The following PTPRQ variants were observed in gnomAD, a reference collection of about 807,000 sequenced individuals.
PTPRQ encodes protein tyrosine phosphatase receptor type Q, also known as phosphatidylinositol phosphatase PTPRQ.
In PTPRQ, 199 loss-of-function variants were observed where a neutral mutation model predicts 246.0. The observed-to-expected ratio is 0.81, with a 90% CI of 0.72 to 0.91. The LOEUF is 0.91. Ranked by LOEUF, PTPRQ falls within the 40% of genes least tolerant of loss-of-function variation. The pLI, the probability that PTPRQ is intolerant of heterozygous loss-of-function variation, is 0.00. For missense variants in PTPRQ, 2,624 were observed against 2,528.4 expected, an observed-to-expected ratio of 1.04 and a Z score of -0.81; for synonymous variants, 869 against 853.2, an observed-to-expected ratio of 1.02 and a Z score of -0.32.
intron 24 of PTPRQ, 102 bp downstream of exon 24, chr12:80,546,799 A>C: frequency 5.1e-6 from 7 of 1,373,702 alleles, no homozygotes; most frequent in Non-Finnish European, 6.8e-6. Context: ...TTAAGAGTCT[A>C]CTCAAAGGGA....
chr12:80,655,575 C>G (rs1486730922), intron 38 of PTPRQ, among the ~76,000 whole-genome samples: 1 of 151,542 alleles, frequency 6.6e-6, no homozygotes, highest in East Asian at 1.9e-4. Flanking sequence ...CTCTCTGTCT[C>G]TCTCTCTCTC....
At chr12:80,484,218 G>A (rs1894191739) in intron 8 of PTPRQ, among the ~76,000 whole-genome samples, 1 of 151,926 alleles carries the variant, frequency 6.6e-6, no homozygotes, top group Non-Finnish European at 1.5e-5. Flanking sequence ...TGTTGGTCAG[G>A]CTGGTCTCGA....
At chr12:80,565,337 C>T (rs551363611) in intron 25 of PTPRQ, among the ~76,000 whole-genome samples, 1 of 152,278 alleles carries the variant, frequency 6.6e-6, no homozygotes, top group South Asian at 2.1e-4. Flanking sequence ...TTTGCTTTAT[C>T]CAAGCTCCAG....
intron 25 of PTPRQ, among the ~76,000 whole-genome samples, chr12:80,558,774 C>T (rs533311363): frequency 2.0e-5 from 3 of 152,146 alleles, no homozygotes; most frequent in Non-Finnish European, 4.4e-5. Flanking sequence ...CAGGTTCACA[C>T]ATAGGTGTAT....
chr12:80,649,795 C>G, intron 37 of PTPRQ, 126 bp downstream of exon 37: 4 of 1,330,308 alleles, frequency 3.0e-6, no homozygotes, highest in Non-Finnish European at 4.0e-6. Flanking sequence ...ACCCAATTAC[C>G]AGGTTGATTG....
chr12:80,483,525 A>T (rs561405165), intron 8 of PTPRQ, among the ~76,000 whole-genome samples: 2 of 152,180 alleles, frequency 1.3e-5, no homozygotes, highest in Non-Finnish European at 2.9e-5. Context: ...TTAAAGTATA[A>T]TAATAAAAGA....
At chr12:80,557,113 C>T (rs1411781202) in intron 25 of PTPRQ, among the ~76,000 whole-genome samples, 1 of 152,068 alleles carries the variant, frequency 6.6e-6, no homozygotes, top group Non-Finnish European at 1.5e-5. Context: ...AGGATTTGTT[C>T]ATTACATATT....
At chr12:80,580,195 C>T (rs935633681) in intron 25 of PTPRQ, among the ~76,000 whole-genome samples, 4 of 152,140 alleles carry the variant, frequency 2.6e-5, no homozygotes, top group African/African-American at 7.2e-5. Context: ...AAACCTATAA[C>T]AAATTCTTGC....
At chr12:80,564,323 T>C (rs943618765) in intron 25 of PTPRQ, among the ~76,000 whole-genome samples, 3 of 152,112 alleles carry the variant, frequency 2.0e-5, no homozygotes, top group Admixed American at 6.5e-5. Flanking sequence ...ACCACTATGT[T>C]ATTACTTGAG....
intron 35 of PTPRQ, among the ~76,000 whole-genome samples, chr12:80,640,873 G>A (rs77120020): frequency 0.028 from 4,210 of 152,196 alleles, 183 homozygotes; most frequent in African/African-American, 0.096. Context: ...AATTTGCTGT[G>A]TTCTCATGTT....
At chr12:80,674,783 A>T (rs753120764) in intron 43 of PTPRQ, among the ~76,000 whole-genome samples, 21 of 152,172 alleles carry the variant, frequency 1.4e-4, no homozygotes, top group Non-Finnish European at 2.4e-4. Context: ...TTCTCTTTTG[A>T]TAGTGGTTTT....
chr12:80,585,239 T>A (rs1897572698), intron 25 of PTPRQ, among the ~76,000 whole-genome samples: 1 of 152,082 alleles, frequency 6.6e-6, no homozygotes, highest in South Asian at 2.1e-4. Flanking sequence ...AATAGTGACT[T>A]CATCTTTTTA....
At chr12:80,614,148 T>TA (rs545416265) in intron 29 of PTPRQ, among the ~76,000 whole-genome samples, 1 of 150,278 alleles carries the variant, frequency 6.7e-6, no homozygotes, top group African/African-American at 2.4e-5. Flanking sequence ...TAACTCTGCC[T>TA]AAAAAAAAGC....
chr12:80,468,285 T>C (rs185325409), intron 6 of PTPRQ, among the ~76,000 whole-genome samples: 3 of 152,270 alleles, frequency 2.0e-5, no homozygotes, highest in African/African-American at 7.2e-5. Context: ...TGAGGGTCAT[T>C]TTCTTGAAAC....
intron 6 of PTPRQ, among the ~76,000 whole-genome samples, chr12:80,468,033 T>C (rs1893496398): frequency 1.3e-5 from 2 of 150,428 alleles, no homozygotes; most frequent in African/African-American, 5.0e-5. Context: ...AAAACAATGA[T>C]TTCATAAGGG....
At chr12:80,608,873 T>C (rs17006966) in intron 27 of PTPRQ, among the ~76,000 whole-genome samples, 1,919 of 150,664 alleles carry the variant, frequency 0.013, 40 homozygotes, top group African/African-American at 0.044. Flanking sequence ...TCAATAATAT[T>C]TTTTCAGCAT....
In PTPRQ at chr12:80,535,037, G is replaced by T. The variant is rs1274532719; in HGVS notation, c.2985G>T (p.Gln995His). ...YYRNTSGTFM[Q>H]NFTLHEVTND... ...GAAATACTTCAGGTACTTTTATGCA[G>T]GTAAGAACTGAATTTTCTTCTAGTT... The change falls in exon 19 of 45, where the codon CAG becomes CAT. Residue 995 changes from glutamine to histidine, a missense_variant and splice_region_variant. By Grantham distance (24) the Gln-to-His change is conservative. Coordinates refer to ENST00000644991, the MANE Select transcript of PTPRQ (RefSeq NM_001145026.2). 1 of 1,507,480 alleles carries T rather than the reference G, an allele frequency of 6.6e-7. No individual in the cohort carries two copies. The highest frequency in any genetic ancestry group is 1.4e-5 in the South Asian group (1 of 73,804). The allele number at this position is 1,507,480 out of a possible 1,614,324, so 93.4% of individuals were successfully genotyped here.
chr12:80,627,937 G>C (rs1899267455), intron 33 of PTPRQ, among the ~76,000 whole-genome samples: 1 of 151,932 alleles, frequency 6.6e-6, no homozygotes, highest in Non-Finnish European at 1.5e-5. Flanking sequence ...TAATTCATGT[G>C]CCCAAAGGAT....
At chr12:80,453,562 G>C (rs959528669) in intron 3 of PTPRQ, among the ~76,000 whole-genome samples, 2 of 130,732 alleles carry the variant, frequency 1.5e-5, no homozygotes, top group Admixed American at 1.7e-4. Context: ...TGTCCTTTCT[G>C]TTTGTTAGTT....
Sources: allele counts gnomAD v4.1 joint callset (sites outside exome capture counted in the v4.1 genomes callset), GRCh38; gene constraint gnomAD v4.1.1; transcripts MANE v1.5; gene names NCBI Gene and HGNC (gene_info 2026-07-23, HGNC 2026-07-21).